CSMD3: variants seen among roughly 807,000 people sequenced by gnomAD.
CSMD3 encodes CUB and Sushi multiple domains 3, also known as CUB and sushi domain-containing protein 3.
CSMD3 carries 177 observed loss-of-function variants against 435.2 expected under a neutral mutation model. The observed-to-expected ratio is 0.41, with a 90% confidence interval of 0.36 to 0.46. The LOEUF is 0.46. CSMD3 is among the 20% of genes least tolerant of loss of function. The pLI, the probability that CSMD3 is intolerant of heterozygous loss-of-function variation, is 0.34. For missense variants in CSMD3, 4,265 were observed against 4,504.6 expected, an observed-to-expected ratio of 0.95 and a Z score of 1.52; for synonymous variants, 1,656 against 1,520.5, an observed-to-expected ratio of 1.09 and a Z score of -2.07.
At chr8:112,838,323 G>A (rs2080086472) in intron 11 of CSMD3, among the ~76,000 whole-genome samples, 1 of 151,824 alleles carries the variant, frequency 6.6e-6, no homozygotes, top group African/African-American at 2.4e-5. Context: ...ACCATGTTAA[G>A]GACTGTGAAC....
In CSMD3 at chr8:112,414,023, A is replaced by C. The variant is rs147102073; in HGVS notation, c.5396-4991T>G. On this transcript the variant is annotated intron_variant, in intron 32 of 70. Coordinates refer to ENST00000297405, the MANE Select transcript of CSMD3 (RefSeq NM_198123.2). Reference sequence around the variant, plus strand: ...GTACTGTTAGGGTGGTTTGGCCAGAATCCCCCTCATCCCTGATGTTTCCTC... The same window carrying C: ...GTACTGTTAGGGTGGTTTGGCCAGACTCCCCCTCATCCCTGATGTTTCCTC... 3.7e-3 allele frequency among the ~76,000 whole-genome samples: 567 copies of C among 152,126 alleles called. 2 individuals are homozygous for C. Among genetic ancestry groups the C allele is most frequent in the African/African-American group, 0.01 (421 of 41,508 alleles).
At chr8:112,283,085 G>A (rs922506584) in intron 58 of CSMD3, among the ~76,000 whole-genome samples, 9 of 151,908 alleles carry the variant, frequency 5.9e-5, no homozygotes, top group African/African-American at 2.2e-4. Context: ...TTCTTAATAG[G>A]AAAGTGAGGC....
intron 22 of CSMD3, among the ~76,000 whole-genome samples, chr8:112,589,617 T>C (rs1030712251): frequency 1.3e-5 from 2 of 152,172 alleles, no homozygotes; most frequent in Admixed American, 6.6e-5. Flanking sequence ...CAAGTTTTCA[T>C]AAAGCTTATT....
intron 1 of CSMD3, among the ~76,000 whole-genome samples, chr8:113,435,618 G>GC (rs1017312030): frequency 3.4e-5 from 5 of 146,784 alleles, no homozygotes; most frequent in African/African-American, 1.0e-4. Flanking sequence ...GCGATCCCCC[G>GC]CCCCCCCGCG....
intron 31 of CSMD3, among the ~76,000 whole-genome samples, chr8:112,491,834 T>C (rs886966746): frequency 3.9e-5 from 6 of 152,188 alleles, no homozygotes; most frequent in Non-Finnish European, 5.9e-5. Flanking sequence ...AAATCTGTCC[T>C]AGATGATATC....
chr8:112,564,390 C>T (rs1466500465), intron 24 of CSMD3, among the ~76,000 whole-genome samples: 6 of 149,682 alleles, frequency 4.0e-5, no homozygotes, highest in African/African-American at 1.5e-4. Flanking sequence ...CCTTCCCTCT[C>T]TTCTCCTCTC....
At chr8:112,937,354 T>TTTA (rs2083313050) in intron 9 of CSMD3, among the ~76,000 whole-genome samples, 1 of 148,102 alleles carries the variant, frequency 6.8e-6, no homozygotes, top group African/African-American at 2.5e-5. Context: ...GTAATAATGT[T>TTTA]TTTTTTTTTT....
intron 14 of CSMD3, among the ~76,000 whole-genome samples, chr8:112,686,838 A>G (rs2076024518): frequency 6.6e-6 from 1 of 151,998 alleles, no homozygotes. Context: ...GTACTAAATT[A>G]TGTTTTCCTT....
intron 1 of CSMD3, among the ~76,000 whole-genome samples, chr8:113,421,282 A>G (rs1588696640): frequency 6.6e-6 from 1 of 152,334 alleles, no homozygotes; most frequent in Middle Eastern, 3.4e-3. Context: ...GATTGGGGTG[A>G]CAATGAATAT....
intron 3 of CSMD3, among the ~76,000 whole-genome samples, chr8:113,226,696 T>A (rs2093032700): frequency 6.6e-6 from 1 of 151,594 alleles, no homozygotes; most frequent in Non-Finnish European, 1.5e-5. Flanking sequence ...TTCTAGATCC[T>A]CAGAAGAAAG....
intron 32 of CSMD3, among the ~76,000 whole-genome samples, chr8:112,424,688 C>CTTATTTAT (rs541319735): frequency 1.3e-5 from 2 of 151,654 alleles, no homozygotes; most frequent in South Asian, 2.1e-4. Flanking sequence ...ATTTTACTTA[C>CTTATTTAT]TTATTTATTT....
At chr8:112,346,828 G>A (rs1218954258) in intron 40 of CSMD3, among the ~76,000 whole-genome samples, 2 of 151,684 alleles carry the variant, frequency 1.3e-5, no homozygotes, top group African/African-American at 2.4e-5. Flanking sequence ...ACAGGCGCCT[G>A]CCACCACGCC....
At chr8:112,416,823 CTT>C (rs1811964936) in intron 32 of CSMD3, among the ~76,000 whole-genome samples, 1 of 151,734 alleles carries the variant, frequency 6.6e-6, no homozygotes, top group African/African-American at 2.4e-5. Context: ...AAAACTGAGA[CTT>C]AGACTGGGGC....
intron 1 of CSMD3, among the ~76,000 whole-genome samples, chr8:113,401,488 T>C (rs920556683): frequency 1.8e-4 from 28 of 151,836 alleles, no homozygotes; most frequent in South Asian, 4.1e-4. Flanking sequence ...CCCATCAATA[T>C]ACATAAGTGG....
At chr8:113,173,363 C>T (rs998707496) in intron 4 of CSMD3, among the ~76,000 whole-genome samples, 1 of 152,004 alleles carries the variant, frequency 6.6e-6, no homozygotes, top group African/African-American at 2.4e-5. Flanking sequence ...GCTCTGTTGC[C>T]TAGGCTGGGG....
chr8:113,245,815 G>C (rs774444875), intron 3 of CSMD3, among the ~76,000 whole-genome samples: 1 of 151,952 alleles, frequency 6.6e-6, no homozygotes, highest in African/African-American at 2.4e-5. Flanking sequence ...AGAAAGATCT[G>C]CTGGTGATAA....
intron 27 of CSMD3, among the ~76,000 whole-genome samples, chr8:112,520,786 A>T (rs1203427173): frequency 2.0e-5 from 3 of 151,954 alleles, no homozygotes; most frequent in Admixed American, 6.6e-5. Flanking sequence ...TATGAAGAAC[A>T]TTTCCACTCC....
At chr8:113,303,608 C>G (rs895209197) in intron 2 of CSMD3, among the ~76,000 whole-genome samples, 13 of 143,818 alleles carry the variant, frequency 9.0e-5, no homozygotes, top group Non-Finnish European at 1.5e-4. Context: ...AATAACGCCA[C>G]ATACCTACAA....
intron 35 of CSMD3, among the ~76,000 whole-genome samples, chr8:112,400,339 G>A (rs1164092153): frequency 6.6e-6 from 1 of 152,000 alleles, no homozygotes. Context: ...TAATCCCATT[G>A]GTCATCTCCT....
Sources: allele counts gnomAD v4.1 joint callset (sites outside exome capture counted in the v4.1 genomes callset), GRCh38; gene constraint gnomAD v4.1.1; transcripts MANE v1.5; gene names NCBI Gene and HGNC (gene_info 2026-07-23, HGNC 2026-07-21).